Variants in NEK10 observed in about 807,000 individuals in gnomAD.
NEK10 encodes serine/threonine-protein kinase Nek10.
A neutral mutation model predicts 159.8 loss-of-function variants in NEK10; 122 were observed. That is an observed-to-expected ratio of 0.76 (90% CI 0.66 to 0.89). NEK10 has a LOEUF of 0.89. Ranked by LOEUF, NEK10 falls within the 40% of genes least tolerant of loss-of-function variation. The pLI is 0.00. For missense variants in NEK10, 1,342 were observed against 1,323.1 expected (o/e 1.01, Z -0.22); for synonymous variants, 466 against 457.1 (o/e 1.02, Z -0.25).
intron 6 of NEK10, among the ~76,000 whole-genome samples, chr3:27,321,840 T>A (rs2045663585): frequency 6.6e-6 from 1 of 152,196 alleles, no homozygotes; most frequent in African/African-American, 2.4e-5. Flanking sequence ...AGGGAGCTGC[T>A]TGGCCTTGAA....
chr3:27,310,011 G>T (rs1217079321), intron 9 of NEK10: 3 of 152,152 alleles, frequency 2.0e-5, no homozygotes, highest in Non-Finnish European at 2.9e-5. Flanking sequence ...CCCCTGAAAA[G>T]TGCCTCCCAA....
chr3:27,184,882 T>G (rs1948467939), intron 26 of NEK10, among the ~76,000 whole-genome samples: 1 of 152,194 alleles, frequency 6.6e-6, no homozygotes, highest in Non-Finnish European at 1.5e-5. Flanking sequence ...TTTAGTGGTG[T>G]GCTCAGCAAT....
intron 19 of NEK10, 128 bp downstream of exon 19, chr3:27,290,488 CT>C (rs2042921020): frequency 6.2e-6 from 4 of 649,880 alleles, no homozygotes; most frequent in Middle Eastern, 3.3e-4. Flanking sequence ...AAAAATATCA[CT>C]GCTTCAGTGT....
chr3:27,219,248 A>T (rs910195261), intron 23 of NEK10, among the ~76,000 whole-genome samples: 3 of 152,238 alleles, frequency 2.0e-5, no homozygotes, highest in African/African-American at 7.2e-5. Flanking sequence ...GGTGCAGCCT[A>T]ACTCAGCAGG....
rs930078639 is a variant in NEK10, at chr3:27,310,996, C to T, written c.589G>A (p.Ala197Thr). The T allele has an allele frequency of 1.9e-6, 3 of 1,611,738 alleles. No homozygotes were observed. In the African/African-American group the frequency reaches 4.0e-5, roughly 22 times the overall value. ...NMTYIFQKLA[A>T]VKDQREWVTT... is the part of the protein sequence containing the mutation. ...ACCCATTCTCTTTGATCTTTGACTGCAGCAAGTTTTTGAAAAATATCTATA... is the reference window on the plus strand; with the variant it reads ...ACCCATTCTCTTTGATCTTTGACTGTAGCAAGTTTTTGAAAAATATCTATA... The change falls in exon 9 of 36, where the codon GCA (alanine) becomes ACA (threonine). Residue 197 changes from alanine (A) to threonine (T), a missense_variant. Ala to Thr is a moderately conservative substitution (Grantham distance 58). Transcript: ENST00000691995.
intron 30 of NEK10, among the ~76,000 whole-genome samples, chr3:27,147,403 G>C (rs1944408318): frequency 6.6e-6 from 1 of 152,230 alleles, no homozygotes; most frequent in African/African-American, 2.4e-5. Context: ...GAAGGAGCTT[G>C]GCAGTCTAGG....
chr3:27,179,797 G>T (rs1947885527), intron 26 of NEK10, among the ~76,000 whole-genome samples: 1 of 152,120 alleles, frequency 6.6e-6, no homozygotes, highest in Non-Finnish European at 1.5e-5. Context: ...AGAAACAATG[G>T]GGGCTGGGCG....
intron 31 of NEK10, among the ~76,000 whole-genome samples, chr3:27,133,335 G>C (rs962425968): frequency 6.6e-6 from 1 of 152,136 alleles, no homozygotes. Flanking sequence ...GCAAAGAATA[G>C]GGCCTACAGG....
chr3:27,359,986 T>C (rs1247827833), intron 1 of NEK10, among the ~76,000 whole-genome samples: 1 of 152,180 alleles, frequency 6.6e-6, no homozygotes, highest in Non-Finnish European at 1.5e-5. Flanking sequence ...TCAAGTTAAA[T>C]TGGTCAAATT....
At chr3:27,206,641 C>G in intron 23 of NEK10, 1 of 985,254 alleles carries the variant, frequency 1.0e-6, no homozygotes, top group Non-Finnish European at 1.2e-6. Context: ...ACTCGCAGAC[C>G]TAATTTCCAT....
chr3:27,344,842 T>C (rs2047443603), intron 4 of NEK10, among the ~76,000 whole-genome samples: 1 of 152,146 alleles, frequency 6.6e-6, no homozygotes, highest in African/African-American at 2.4e-5. Context: ...TATAATACCT[T>C]CTAGATAAGA....
At chr3:27,260,256 G>A (rs2040280155) in intron 22 of NEK10, among the ~76,000 whole-genome samples, 1 of 152,162 alleles carries the variant, frequency 6.6e-6, no homozygotes, top group African/African-American at 2.4e-5. Context: ...CCAACACTAT[G>A]TTGAATAGGA....
At chr3:27,251,242 A>G (rs1369366198) in intron 23 of NEK10, among the ~76,000 whole-genome samples, 3 of 152,348 alleles carry the variant, frequency 2.0e-5, no homozygotes, top group East Asian at 3.9e-4. Context: ...TGTGCTCTTG[A>G]TAATGCCCTG....
intron 5 of NEK10, among the ~76,000 whole-genome samples, chr3:27,335,802 T>G (rs111463769): frequency 6.6e-6 from 1 of 152,076 alleles, no homozygotes; most frequent in African/African-American, 2.4e-5. Context: ...ATAGAAAAAT[T>G]TCTTGAAACA....
intron 26 of NEK10, among the ~76,000 whole-genome samples, chr3:27,183,373 G>GA: frequency 6.9e-6 from 1 of 145,422 alleles, no homozygotes; most frequent in Non-Finnish European, 1.5e-5. Context: ...AGTGATGCTG[G>GA]AAAAACTGGA....
Position 27,287,614 on chromosome 3 carries a change from G to A in NEK10, c.1789+84C>T, listed in dbSNP as rs886572850. 17 of 1,405,860 alleles carry A rather than the reference G, an allele frequency of 1.2e-5. 1 individual carries two copies. In the South Asian group the frequency reaches 1.2e-4, roughly 10 times the overall value. The allele number at this position is 1,405,860 out of a possible 1,614,324, so 87.1% of individuals were successfully genotyped here. On this transcript the variant is annotated intron_variant, in intron 20 of 35. Transcript: ENST00000691995. ...AAAGGTCAATAAAATAGTTGATTAG[G>A]TTTCTTTTGTGACATTCTGATACAA...
At chr3:27,343,968 C>T (rs2047376744) in intron 5 of NEK10, among the ~76,000 whole-genome samples, 1 of 152,154 alleles carries the variant, frequency 6.6e-6, no homozygotes, top group Admixed American at 6.6e-5. Context: ...GTGGTGTTGT[C>T]CAATGTCTCT....
rs200628958 is a variant in NEK10 at position 27,293,598 on chromosome 3, G to C, written c.1363C>G (p.Leu455Val). The change falls in exon 16 of 36, where the codon CTC becomes GTC. Residue 455 changes from leucine to valine, a missense_variant. By Grantham distance (32) the Leu-to-Val change is conservative. Coordinates refer to ENST00000691995, the MANE Select transcript of NEK10 (RefSeq NM_001394966.1). ...TCTCTAACCTCATACCTTTTAAAGA[G>C]TGGTCTGTTTCTTTCCATACTGAAG... Reference protein sequence around the residue: ...FLFSMERNRPLFKRLFPTDLF... With the variant: ...FLFSMERNRPVFKRLFPTDLF... 124 of 1,545,142 alleles carry C rather than the reference G, an allele frequency of 8.0e-5. No homozygotes were observed. Among genetic ancestry groups the C allele is most frequent in the Middle Eastern group, 6.8e-4 (4 of 5,906 alleles).
At chr3:27,326,391 T>G (rs1253026177) in intron 5 of NEK10, among the ~76,000 whole-genome samples, 1 of 152,190 alleles carries the variant, frequency 6.6e-6, no homozygotes, top group Non-Finnish European at 1.5e-5. Flanking sequence ...TTTCATTATT[T>G]AAAGGAAAAG....
Sources: gnomAD v4.1 joint callset for allele counts (sites outside exome capture counted in the v4.1 genomes callset) on GRCh38, gnomAD v4.1.1 for gene constraint, MANE v1.5 for transcripts, NCBI Gene and HGNC (gene_info 2026-07-23, HGNC 2026-07-21) for gene names.